Variants in TMCC1 observed in about 807,000 individuals in gnomAD.
TMCC1 encodes transmembrane and coiled-coil domain family 1.
In TMCC1, 15 loss-of-function variants were observed where a neutral mutation model predicts 52.4. The ratio of observed to expected loss-of-function variants is 0.29; its 90% CI spans 0.19 to 0.44. TMCC1 has a LOEUF of 0.44. Among genes scored for constraint, TMCC1 ranks in the 20% least tolerant of loss-of-function variants. TMCC1 has a pLI of 1.00. For missense variants in TMCC1, 503 were observed against 806.0 expected (o/e 0.62, Z 4.55); for synonymous variants, 279 against 301.9 (o/e 0.92, Z 0.79).
At chr3:129,826,569 G>C (rs2058670912) in intron 4 of TMCC1, among the ~76,000 whole-genome samples, 2 of 151,864 alleles carry the variant, frequency 1.3e-5, no homozygotes, top group African/African-American at 4.8e-5. Flanking sequence ...TAAATTTTTT[G>C]AATTTTAATT....
At chr3:129,795,677 C>G (rs540865939) in intron 4 of TMCC1, among the ~76,000 whole-genome samples, 67 of 152,228 alleles carry the variant, frequency 4.4e-4, no homozygotes, top group African/African-American at 1.4e-3. Context: ...AACTGCAATC[C>G]AAAAATATTT....
chr3:129,840,117 C>T (rs2059353426), intron 2 of TMCC1, among the ~76,000 whole-genome samples: 2 of 151,508 alleles, frequency 1.3e-5, no homozygotes, highest in African/African-American at 4.8e-5. Flanking sequence ...CGCTTGAGCC[C>T]AGGAGCCCAA....
chr3:129,789,954 C>G (rs1266219940), intron 4 of TMCC1, among the ~76,000 whole-genome samples: 1 of 152,138 alleles, frequency 6.6e-6, no homozygotes, highest in African/African-American at 2.4e-5. Flanking sequence ...ATGCCACAAA[C>G]TTATTTCTCA....
chr3:129,814,439 C>G (rs1394080702), intron 4 of TMCC1, among the ~76,000 whole-genome samples: 1 of 152,016 alleles, frequency 6.6e-6, no homozygotes. Context: ...AATTAACATA[C>G]TACCAGAGAA....
At chr3:129,699,725 C>T (rs573692970) in intron 4 of TMCC1, among the ~76,000 whole-genome samples, 51 of 152,224 alleles carry the variant, frequency 3.4e-4, no homozygotes, top group Admixed American at 7.9e-4. Flanking sequence ...ACTTCCAGAC[C>T]AGGCTGGGCA....
At chr3:129,730,164 T>G (rs1425074714) in intron 4 of TMCC1, among the ~76,000 whole-genome samples, 2 of 152,168 alleles carry the variant, frequency 1.3e-5, no homozygotes, top group Non-Finnish European at 2.9e-5. Context: ...CCATCTGTAT[T>G]CTGAATATAA....
chr3:129,724,925 A>C (rs907017899), intron 4 of TMCC1, among the ~76,000 whole-genome samples: 2 of 152,216 alleles, frequency 1.3e-5, no homozygotes, highest in Admixed American at 6.5e-5. Flanking sequence ...TCAGTGGGAT[A>C]AGGAGGGATA....
At chr3:129,677,954 T>A (rs1208858691) in intron 4 of TMCC1, among the ~76,000 whole-genome samples, 2 of 152,192 alleles carry the variant, frequency 1.3e-5, no homozygotes, top group East Asian at 3.8e-4. Context: ...TGAGACAGAG[T>A]CTCGCTCTGT....
At chr3:129,763,782 T>A (rs2053852649) in intron 4 of TMCC1, among the ~76,000 whole-genome samples, 1 of 149,630 alleles carries the variant, frequency 6.7e-6, no homozygotes, top group African/African-American at 2.5e-5. Flanking sequence ...GCTAAGATAG[T>A]GTCACAGCAC....
At chr3:129,727,873 T>C (rs2050230319) in intron 4 of TMCC1, among the ~76,000 whole-genome samples, 1 of 152,156 alleles carries the variant, frequency 6.6e-6, no homozygotes, top group Non-Finnish European at 1.5e-5. Context: ...ACTTGTTAAG[T>C]TCTTGCAAAT....
intron 4 of TMCC1, among the ~76,000 whole-genome samples, chr3:129,805,397 A>C (rs2057405758): frequency 6.6e-6 from 1 of 152,134 alleles, no homozygotes; most frequent in Non-Finnish European, 1.5e-5. Flanking sequence ...TCCTGGGCTC[A>C]AATAATCTGC....
intron 4 of TMCC1, among the ~76,000 whole-genome samples, chr3:129,694,367 A>C (rs942365170): frequency 1.3e-5 from 2 of 152,272 alleles, no homozygotes; most frequent in Admixed American, 1.3e-4. Flanking sequence ...GGCTACACCT[A>C]TGTGAATAAT....
Position 129,828,315 on chromosome 3 carries a change from C to T in TMCC1, c.64G>A (p.Ala22Thr), listed in dbSNP as rs371717727. 4.3e-5 allele frequency: 69 copies of T among 1,613,966 alleles called. No individual in the cohort carries two copies. The African/African-American group carries it at 5.6e-4, about 13-fold the overall frequency. ...GATTCTGTCTGCTTTCTGGCCTCTG[C>T]ATCTTGGGATTTGCCTCCAGGATCA... The part of the protein sequence containing the change: ...DPDPGGKSQD[A>T]EARKQTESEQ... Residue 22 changes from alanine (A) to threonine (T), a missense_variant, in exon 4 of 7, where the codon GCA becomes ACA. Physicochemically the swap from Ala to Thr is moderately conservative, Grantham distance 58. This residue lies in a region of TMCC1 where 217 missense variants were observed against 297.9 expected (regional missense o/e 0.73). Coordinates refer to ENST00000393238, the MANE Select transcript of TMCC1 (RefSeq NM_001017395.5). This position sits in a 1 kb window ranked among gnomAD's most constrained non-coding sequence, Gnocchi z 4.1.
intron 4 of TMCC1, among the ~76,000 whole-genome samples, chr3:129,711,373 A>G (rs2048670397): frequency 6.6e-6 from 1 of 152,204 alleles, no homozygotes; most frequent in African/African-American, 2.4e-5. Flanking sequence ...CAATTTCACT[A>G]TAAATTTTTA....
chr3:129,783,734 T>C (rs2055734663), intron 4 of TMCC1, among the ~76,000 whole-genome samples: 1 of 152,220 alleles, frequency 6.6e-6, no homozygotes, highest in Admixed American at 6.5e-5. Flanking sequence ...CATTATGCCA[T>C]TGTAAAATTC....
At chr3:129,683,434 C>T (rs1469462978) in intron 4 of TMCC1, among the ~76,000 whole-genome samples, 1 of 152,210 alleles carries the variant, frequency 6.6e-6, no homozygotes, top group African/African-American at 2.4e-5. Flanking sequence ...GGCTCAGAGG[C>T]TAACTCAAGC....
At chr3:129,873,123 ACTC>A (rs1473531377) in intron 2 of TMCC1, among the ~76,000 whole-genome samples, 1 of 150,868 alleles carries the variant, frequency 6.6e-6, no homozygotes, top group African/African-American at 2.4e-5. Context: ...CTGGTCTCAA[ACTC>A]CTGATCTCAG....
At chr3:129,745,590 A>C (rs761667335) in intron 4 of TMCC1, among the ~76,000 whole-genome samples, 1 of 152,226 alleles carries the variant, frequency 6.6e-6, no homozygotes, top group Non-Finnish European at 1.5e-5. Context: ...TTTTAGCTGC[A>C]CAAAGCATGT....
At chr3:129,773,673 G>C (rs900357120) in intron 4 of TMCC1, among the ~76,000 whole-genome samples, 1 of 152,166 alleles carries the variant, frequency 6.6e-6, no homozygotes, top group Non-Finnish European at 1.5e-5. Context: ...GGCTGGGCGA[G>C]GTGGCTCATG....
Sources: allele counts gnomAD v4.1 joint callset (sites outside exome capture counted in the v4.1 genomes callset), GRCh38; gene constraint gnomAD v4.1.1; regional missense constraint gnomAD v4.1.1; non-coding constraint Gnocchi (gnomAD v3.1); transcripts MANE v1.5; gene names NCBI Gene and HGNC (gene_info 2026-07-23, HGNC 2026-07-21).